Variants in CDK14 observed in about 807,000 individuals in gnomAD.
CDK14 encodes the protein cyclin dependent kinase 14, also known as cyclin-dependent kinase 14.
In CDK14, 34 loss-of-function variants were observed where a neutral mutation model predicts 60.7. The observed-to-expected ratio is 0.56, with a 90% CI of 0.43 to 0.75. CDK14 has a LOEUF of 0.75. CDK14 is among the 30% of genes least tolerant of loss of function. The pLI, the probability that CDK14 is intolerant of heterozygous loss-of-function variation, is 0.00. For missense variants in CDK14, 482 were observed against 564.1 expected (o/e 0.85, Z 1.47); for synonymous variants, 197 against 203.7 (o/e 0.97, Z 0.28).
chr7:91,177,410 T>C (rs1358880643), intron 14 of CDK14, among the ~76,000 whole-genome samples: 1 of 151,462 alleles, frequency 6.6e-6, no homozygotes, highest in Non-Finnish European at 1.5e-5. Context: ...AAGACAGGGA[T>C]ACCCTCTCTC....
At chr7:90,807,820 A>G (rs1244050070) in intron 5 of CDK14, among the ~76,000 whole-genome samples, 5 of 152,358 alleles carry the variant, frequency 3.3e-5, no homozygotes, top group East Asian at 1.9e-4. Context: ...TGACGAATGT[A>G]CAAGCCTCAG....
chr7:91,030,750 C>T (rs1475994937), intron 10 of CDK14, among the ~76,000 whole-genome samples: 1 of 152,226 alleles, frequency 6.6e-6, no homozygotes, highest in Non-Finnish European at 1.5e-5. Context: ...CCATCCCTCA[C>T]TCCTTCCACT....
rs1012513259 is a variant in CDK14, at chr7:91,063,250, C to T, written c.1106-16182C>T. ...TCACATAGCTCCTTCAAGACAAATG[C>T]ATGACTATGGAATAATAACTCTTAT... On this transcript the variant is annotated intron_variant, in intron 11 of 14. Coordinates refer to ENST00000380050, the MANE Select transcript of CDK14 (RefSeq NM_001287135.2). 7.9e-5 allele frequency among the ~76,000 whole-genome samples: 12 copies of T among 152,246 alleles called. No individual in the cohort carries two copies. The South Asian group carries it at 1.7e-3, about 21-fold the overall frequency.
intron 14 of CDK14, among the ~76,000 whole-genome samples, chr7:91,133,863 C>G (rs43005): frequency 0.57 from 86,350 of 151,980 alleles, 27,098 homozygotes; most frequent in Non-Finnish European, 0.73. Flanking sequence ...TCAGATACTA[C>G]GCAAGCTAAG....
At chr7:90,981,333 G>T (rs1364278297) in intron 9 of CDK14, among the ~76,000 whole-genome samples, 1 of 152,118 alleles carries the variant, frequency 6.6e-6, no homozygotes, top group East Asian at 1.9e-4. Flanking sequence ...AATCTAAAAT[G>T]AAAACAACTT....
At chr7:90,686,466 T>G (rs979450668) in intron 2 of CDK14, among the ~76,000 whole-genome samples, 1 of 152,162 alleles carries the variant, frequency 6.6e-6, no homozygotes, top group Admixed American at 6.6e-5. Context: ...AATTAACTTA[T>G]GAAAAATGAA....
intron 12 of CDK14, among the ~76,000 whole-genome samples, chr7:91,109,874 A>G (rs775788203): frequency 1.3e-5 from 2 of 152,118 alleles, no homozygotes; most frequent in Non-Finnish European, 2.9e-5. Flanking sequence ...GTGTCATGAC[A>G]TAAGGATTAA....
chr7:90,900,126 T>C (rs2117355068), intron 7 of CDK14, among the ~76,000 whole-genome samples: 1 of 152,308 alleles, frequency 6.6e-6, no homozygotes, highest in East Asian at 1.9e-4. Context: ...CTTCACTTTA[T>C]ACCATAGTCG....
intron 6 of CDK14, among the ~76,000 whole-genome samples, chr7:90,885,907 T>TG (rs1172722437): frequency 6.6e-6 from 1 of 151,976 alleles, no homozygotes; most frequent in African/African-American, 2.4e-5. Flanking sequence ...CAGGGCCTGT[T>TG]GGGGTGGAGG....
chr7:91,062,970 C>A (rs1797854649), intron 11 of CDK14, among the ~76,000 whole-genome samples: 1 of 152,146 alleles, frequency 6.6e-6, no homozygotes, highest in Non-Finnish European at 1.5e-5. Flanking sequence ...AAAGGCAGGG[C>A]ACAAAAGAGC....
intron 2 of CDK14, among the ~76,000 whole-genome samples, chr7:90,660,925 G>A (rs1000222519): frequency 1.3e-5 from 2 of 152,176 alleles, no homozygotes; most frequent in African/African-American, 4.8e-5. Context: ...GAATGGTCTT[G>A]TTTCTTGAAT....
intron 2 of CDK14, among the ~76,000 whole-genome samples, chr7:90,674,207 G>GA (rs1300182889): frequency 6.6e-6 from 1 of 151,938 alleles, no homozygotes; most frequent in Non-Finnish European, 1.5e-5. Flanking sequence ...TCTATAGCGA[G>GA]AAAAAAAATG....
chr7:91,137,523 G>A (rs921346896), intron 14 of CDK14, among the ~76,000 whole-genome samples: 5 of 152,226 alleles, frequency 3.3e-5, no homozygotes, highest in East Asian at 1.9e-4. Context: ...TTAAAGGACC[G>A]TGCTTGGGAT....
intron 12 of CDK14, among the ~76,000 whole-genome samples, chr7:91,104,422 A>G (rs895037743): frequency 6.6e-6 from 1 of 152,158 alleles, no homozygotes; most frequent in Non-Finnish European, 1.5e-5. Context: ...TTCCATCCTT[A>G]ATGCCTGAAT....
chr7:91,092,119 A>C (rs375276979), intron 12 of CDK14, among the ~76,000 whole-genome samples: 62 of 152,186 alleles, frequency 4.1e-4, no homozygotes, highest in African/African-American at 1.1e-3. Flanking sequence ...AATCATGCCA[A>C]TTTGGGTTTT....
chr7:91,202,758 A>G (rs1323480545), intron 14 of CDK14, among the ~76,000 whole-genome samples: 1 of 152,222 alleles, frequency 6.6e-6, no homozygotes, highest in Non-Finnish European at 1.5e-5. Context: ...TCTCACAGAG[A>G]TGGGAAAGAG....
chr7:91,060,552 C>G (rs1194677115), intron 11 of CDK14, among the ~76,000 whole-genome samples: 1 of 152,192 alleles, frequency 6.6e-6, no homozygotes, highest in Non-Finnish European at 1.5e-5. Context: ...TTGTTCCTTT[C>G]CATGTTTCTG....
intron 11 of CDK14, among the ~76,000 whole-genome samples, chr7:91,051,456 A>G (rs1562883455): frequency 6.6e-6 from 1 of 152,148 alleles, no homozygotes; most frequent in East Asian, 1.9e-4. Context: ...CCTTACCCTC[A>G]GGGTTCTGTG....
At chr7:90,736,344 G>GCTTTTTTTTTTTTTTTTTTT (rs1563063351) in intron 3 of CDK14, among the ~76,000 whole-genome samples, 1 of 41,034 alleles carries the variant, frequency 2.4e-5, no homozygotes, top group African/African-American at 9.0e-5. Flanking sequence ...ACTTTATTAT[G>GCTTTTTTTTTTTTTTTTTTT]TTTTTGTTTT....
Sources: gnomAD v4.1 joint callset for allele counts (sites outside exome capture counted in the v4.1 genomes callset) on GRCh38, gnomAD v4.1.1 for gene constraint, MANE v1.5 for transcripts, NCBI Gene and HGNC (gene_info 2026-07-23, HGNC 2026-07-21) for gene names.